The following TNN variants were observed in gnomAD, a reference collection of about 807,000 sequenced individuals.
The protein encoded by TNN is tenascin N.
TNN carries 122 observed loss-of-function variants against 134.4 expected under a neutral mutation model. The ratio of observed to expected loss-of-function variants is 0.91; its 90% confidence interval spans 0.78 to 1.06. TNN has a LOEUF of 1.06. Among genes scored for constraint, TNN ranks in the 50% least tolerant of loss-of-function variants. The pLI is 0.00. For missense variants in TNN, 1,739 were observed against 1,699.4 expected, an observed-to-expected ratio of 1.02 and a Z score of -0.41; for synonymous variants, 710 against 670.3, an observed-to-expected ratio of 1.06 and a Z score of -0.91.
At chr1:175,136,083 G>A (rs2101850661) in intron 16 of TNN, 142 bp downstream of exon 16, 2 of 633,120 alleles carry the variant, frequency 3.2e-6, no homozygotes, top group Non-Finnish European at 5.7e-6. Flanking sequence ...CGAGCAGGGT[G>A]TTGGTGGGCA....
At chr1:175,108,827 G>A (rs12408316) in intron 9 of TNN, among the ~76,000 whole-genome samples, 17,793 of 124,188 alleles carry the variant, frequency 0.14, 1,675 homozygotes, top group African/African-American at 0.2. Flanking sequence ...CCTGGTTCCC[G>A]CTCACGCCTC....
chr1:175,071,970 C>T (rs879319818), intron 1 of TNN, among the ~76,000 whole-genome samples: 1 of 152,136 alleles, frequency 6.6e-6, no homozygotes, highest in African/African-American at 2.4e-5. Flanking sequence ...CAGTCATGGC[C>T]CTCTCTGTCA....
At chr1:175,115,304 A>G (rs1352045087) in intron 9 of TNN, among the ~76,000 whole-genome samples, 1 of 151,134 alleles carries the variant, frequency 6.6e-6, no homozygotes, top group Non-Finnish European at 1.5e-5. Flanking sequence ...GCTCTGCCAA[A>G]AGCATTGTTC....
chr1:175,078,838 C>G (rs1347108808), intron 2 of TNN, among the ~76,000 whole-genome samples: 1 of 152,086 alleles, frequency 6.6e-6, no homozygotes, highest in Non-Finnish European at 1.5e-5. Context: ...TCCGTTTTTT[C>G]CAGACTTCAA....
At chr1:175,105,450 C>T (rs1395639937) in intron 9 of TNN, among the ~76,000 whole-genome samples, 1 of 145,396 alleles carries the variant, frequency 6.9e-6, no homozygotes, top group African/African-American at 2.5e-5. Flanking sequence ...GGAAGGGAAG[C>T]TATAGGGAGG....
chr1:175,140,420 T>G (rs930036184), intron 17 of TNN, among the ~76,000 whole-genome samples: 2 of 152,220 alleles, frequency 1.3e-5, no homozygotes, highest in Non-Finnish European at 2.9e-5. Flanking sequence ...GTGCCCTCCC[T>G]GGCCTCCTGG....
At position 175,121,592 on chromosome 1, in the gene TNN, G is replaced by A. The variant is rs112335527; in HGVS notation, c.2651-1808G>A. On this transcript the variant is annotated intron_variant, in intron 11 of 18. Transcript: ENST00000239462. Reference sequence around the variant, plus strand: ...GACAAGGATAGAAGTTGGGAGGTTCGTAGGGAAGCTGCTAGAAAAGTCTGG... The same window carrying A: ...GACAAGGATAGAAGTTGGGAGGTTCATAGGGAAGCTGCTAGAAAAGTCTGG... Among the ~76,000 whole-genome samples, 65 of 152,334 alleles carry A rather than the reference G, an allele frequency of 4.3e-4. 1 individual carries two copies. The East Asian group carries it at 4.6e-3, about 11-fold the overall frequency.
rs755665187 is a variant in TNN at position 175,123,667 on chromosome 1, C to T, written c.2914+4C>T. ...GCTGACACCAAGGCCCAGACAGGTA[C>T]TGAGAGGGACCAGGCCAGGGGAACA... On this transcript the variant is annotated splice_donor_region_variant and intron_variant, in intron 12 of 18. Transcript: ENST00000239462. 4 of 1,613,910 alleles carry T rather than the reference C, an allele frequency of 2.5e-6. No individual in the cohort carries two copies. The East Asian group carries it at 8.9e-5, about 36-fold the overall frequency.
chr1:175,120,376 T>TGA (rs1574166586), intron 11 of TNN, among the ~76,000 whole-genome samples: 1 of 151,988 alleles, frequency 6.6e-6, no homozygotes, highest in East Asian at 1.9e-4. Flanking sequence ...ATGGGAAGGG[T>TGA]GAGTAGTAAT....
Position 175,147,047 on chromosome 1 carries a change from G to A in TNN, c.3876G>A (p.Leu1292=). Residue 1292 remains leucine (L), a synonymous_variant, in exon 19 of 19, where the codon CTG becomes CTA. Transcript: ENST00000239462. ...TCCTGGGCAGAAAGAAGCGGACGCT[G>A]AGAGGAAGGCTGCGAACGTTCTGAT... ...EPVLGRKKRT[L]RGRLRTF 1 of 1,591,078 alleles carries A rather than the reference G, an allele frequency of 6.3e-7. No individual in the cohort carries two copies. The highest frequency in any genetic ancestry group is 8.6e-7 in the Non-Finnish European group (1 of 1,168,772).
rs376853783 is a variant in TNN, at chr1:175,092,925, AC to A, written c.1325-1060del. On this transcript the variant is annotated intron_variant, in intron 6 of 18. Transcript: ENST00000239462. ...CCTCATTACTGCTGCAGTGGCCTGC[AC>A]CCCCACCATCTTGCATATACACCAC... 2.6e-3 allele frequency among the ~76,000 whole-genome samples: 395 copies of A among 152,170 alleles called. 3 individuals carry two copies. Among genetic ancestry groups the A allele is most frequent in the African/African-American group, 9.2e-3 (381 of 41,514 alleles).
At chr1:175,136,561 A>T (rs1465675128) in intron 16 of TNN, among the ~76,000 whole-genome samples, 2 of 152,170 alleles carry the variant, frequency 1.3e-5, no homozygotes, top group Admixed American at 1.3e-4. Context: ...CTTCTGTTTT[A>T]GAAGGATGGA....
chr1:175,084,431 A>G (rs1005105742), intron 5 of TNN, among the ~76,000 whole-genome samples: 5 of 152,174 alleles, frequency 3.3e-5, no homozygotes, highest in African/African-American at 1.2e-4. Flanking sequence ...TTCTGAGCTA[A>G]TGCTGCCAAG....
intron 15 of TNN, among the ~76,000 whole-genome samples, chr1:175,130,861 T>A (rs935026751): frequency 1.3e-5 from 2 of 152,122 alleles, no homozygotes; most frequent in Non-Finnish European, 2.9e-5. Flanking sequence ...ATAAAACCAC[T>A]GTGCATTCTC....
chr1:175,113,584 T>C (rs1317912470), intron 9 of TNN, among the ~76,000 whole-genome samples: 2 of 152,230 alleles, frequency 1.3e-5, no homozygotes, highest in Non-Finnish European at 1.5e-5. Context: ...GCTTCCTAGA[T>C]CTGAATATTC....
chr1:175,147,067 TC>T lies in TNN; in HGVS notation c.3897del (p.Ter1300AspfsTer33). 6.3e-7 allele frequency: 1 copy of T among 1,576,224 alleles called. No homozygotes were observed. The highest frequency in any genetic ancestry group is 8.6e-7 in the Non-Finnish European group (1 of 1,160,162). On this transcript the variant is annotated frameshift_variant, in exon 19 of 19. Transcript: ENST00000239462. LOFTEE classifies it high-confidence loss of function. ...ACGCTGAGAGGAAGGCTGCGAACGT[TC>T]TGATGGCCCGTGTGAGCAGTCCTCG... ...KRTLRGRLRT[F>X]
chr1:175,108,155 T>A (rs552111389), intron 9 of TNN, among the ~76,000 whole-genome samples: 1 of 150,856 alleles, frequency 6.6e-6, no homozygotes, highest in African/African-American at 2.4e-5. Flanking sequence ...TACGGAGTGT[T>A]GATTGGTGCA....
rs537828748 is a variant in TNN, at chr1:175,103,813, G to A, written c.2119+5218G>A. 3.9e-4 allele frequency among the ~76,000 whole-genome samples: 56 copies of A among 144,394 alleles called. 8 individuals carry two copies. Among genetic ancestry groups the A allele is most frequent in the African/African-American group, 7.5e-4 (30 of 40,146 alleles). The allele number at this position is 144,394 out of a possible 152,430, so 94.7% of individuals were successfully genotyped here. ...TGGTCTTTCCCTACCTCTGCCAGCC[G>A]CTTATGCTGCTGTTCTCCTCTCTCC... On this transcript the variant is annotated intron_variant, in intron 9 of 18. Coordinates refer to ENST00000239462, the MANE Select transcript of TNN (RefSeq NM_022093.2).
At position 175,147,450 on chromosome 1, in the gene TNN, T is replaced by G. The variant is rs878929485; in HGVS notation, c.*379T>G. 1 of 162,222 alleles carries G rather than the reference T, an allele frequency of 6.2e-6. No homozygotes were observed. Among genetic ancestry groups the G allele is most frequent in the South Asian group, 2.0e-4 (1 of 4,922 alleles). The allele number at this position is 162,222 out of a possible 1,614,324, so 10.0% of individuals were successfully genotyped here. A position where few individuals can be genotyped will look rare whatever the true frequency, so the allele number is the denominator to read the frequency against. On this transcript the variant is annotated 3_prime_UTR_variant, in exon 19 of 19. Transcript: ENST00000239462. ...GTTCTGCTAATGCAAATCTTTTCTCTGGAAAGAAGCACAGAGGAGGAGTTC... is the reference window on the plus strand; with the variant it reads ...GTTCTGCTAATGCAAATCTTTTCTCGGGAAAGAAGCACAGAGGAGGAGTTC...
Sources: allele counts gnomAD v4.1 joint callset (sites outside exome capture counted in the v4.1 genomes callset), GRCh38; gene constraint gnomAD v4.1.1; transcripts MANE v1.5; gene names NCBI Gene and HGNC (gene_info 2026-07-23, HGNC 2026-07-21).